MOCOS: variants seen among roughly 807,000 people sequenced by gnomAD.
The protein encoded by MOCOS is molybdenum cofactor sulfurase.
A neutral mutation model predicts 83.6 loss-of-function variants in MOCOS; 86 were observed. The observed-to-expected ratio is 1.03, with a 90% confidence interval of 0.86 to 1.23. The LOEUF (loss-of-function observed/expected upper bound fraction) is 1.23. MOCOS is among the 50% of genes most tolerant of loss of function. The pLI is 0.00. For synonymous variants in MOCOS, 445 were observed against 434.7 expected (o/e 1.02, Z -0.29); for missense variants, 1,120 against 1,126.9 (o/e 0.99, Z 0.09).
At chr18:36,215,185 G>A (rs532751083) in intron 7 of MOCOS, among the ~76,000 whole-genome samples, 1 of 152,306 alleles carries the variant, frequency 6.6e-6, no homozygotes, top group South Asian at 2.1e-4. Flanking sequence ...TGGTGCTTCT[G>A]AAACCTTAGT....
rs896211413 is a variant in MOCOS at position 36,270,005 on chromosome 18, A to T, written c.*1320A>T. ...AGCACTAGGTGAGATTTGAAAGATG[A>T]GGTGTGCTCTGTTCTCAAGGATTGT... On this transcript the variant is annotated 3_prime_UTR_variant, in exon 15 of 15. Transcript: ENST00000261326. 4 of 152,210 alleles carry T rather than the reference A, an allele frequency of 2.6e-5. No homozygotes were observed. The highest frequency in any genetic ancestry group is 5.9e-5 in the Non-Finnish European group (4 of 68,058). 9.4% of individuals were successfully genotyped at this position (152,210 alleles called of 1,614,324 possible). A position where few individuals can be genotyped will look rare whatever the true frequency, so the allele number is the denominator to read the frequency against.
Position 36,270,583 on chromosome 18 carries a change from T to C in MOCOS, c.*1898T>C, listed in dbSNP as rs1041262334. The C allele has an allele frequency of 2.6e-5, 4 of 151,776 alleles. No homozygotes were observed. Among genetic ancestry groups the C allele is most frequent in the African/African-American group, 7.3e-5 (3 of 41,252 alleles). The allele number at this position is 151,776 out of a possible 1,614,324, so 9.4% of individuals were successfully genotyped here. A position where few individuals can be genotyped will look rare whatever the true frequency, so the allele number is the denominator to read the frequency against. ...AAAAAATTAGCTGGGCATGGTGGCA[T>C]GCACCTGTAGTCCCAGCTACTTGGG... is the stretch of plus-strand genomic sequence containing the variant. On this transcript the variant is annotated 3_prime_UTR_variant, in exon 15 of 15. Coordinates refer to ENST00000261326, the MANE Select transcript of MOCOS (RefSeq NM_017947.4).
chr18:36,259,231 C>T (rs1388186025), intron 12 of MOCOS, among the ~76,000 whole-genome samples: 1 of 151,760 alleles, frequency 6.6e-6, no homozygotes, highest in Non-Finnish European at 1.5e-5. Flanking sequence ...TCACTTGAGC[C>T]CAGGAGTTCA....
intron 6 of MOCOS, among the ~76,000 whole-genome samples, chr18:36,206,423 T>C (rs2091435108): frequency 6.6e-6 from 1 of 151,770 alleles, no homozygotes; most frequent in African/African-American, 2.4e-5. Context: ...GTTTTTATAT[T>C]TTAGTAGAGA....
intron 9 of MOCOS, among the ~76,000 whole-genome samples, chr18:36,247,468 C>T (rs1367874535): frequency 6.6e-6 from 1 of 152,166 alleles, no homozygotes; most frequent in Non-Finnish European, 1.5e-5. Flanking sequence ...ACCCTGTGGC[C>T]CCTCTCCAAT....
At chr18:36,190,391 A>C (rs971960961) in intron 1 of MOCOS, 1 of 152,130 alleles carries the variant, frequency 6.6e-6, no homozygotes, top group Non-Finnish European at 1.5e-5. Context: ...GATTGGATCA[A>C]GGGGGTGGAT....
intron 3 of MOCOS, 93 bp from the exon 4 acceptor site, chr18:36,199,590 G>A: frequency 1.3e-6 from 2 of 1,575,610 alleles, no homozygotes; most frequent in African/African-American, 1.3e-5. Context: ...CATTAAGGTA[G>A]AGATGTCATA....
chr18:36,239,260 C>A (rs562634765), intron 9 of MOCOS, among the ~76,000 whole-genome samples: 93 of 152,122 alleles, frequency 6.1e-4, no homozygotes, highest in African/African-American at 2.2e-3. Context: ...CATGATTTTG[C>A]AGCGGCTGGT....
rs1491387633 is a variant in MOCOS, at chr18:36,214,269, A to AAG, written c.1335+788_1335+789insGA. Among the ~76,000 whole-genome samples the AAG allele has an allele frequency of 6.8e-4, 6 of 8,846 alleles. 1 individual carries two copies. Among genetic ancestry groups the AAG allele is most frequent in the Non-Finnish European group, 4.3e-3 (3 of 698 alleles). 5.8% of individuals were successfully genotyped at this position (8,846 alleles called of 152,430 possible). A position where few individuals can be genotyped will look rare whatever the true frequency, so the allele number is the denominator to read the frequency against. On this transcript the variant is annotated intron_variant, in intron 7 of 14. Coordinates refer to ENST00000261326, the MANE Select transcript of MOCOS (RefSeq NM_017947.4). Reference sequence around the variant, plus strand: ...CAAAAAAAAAAAAAAAAAAGAAAAGAAAAAAAAGAAAATGCTTCAAGATAT... The same window carrying AAG: ...CAAAAAAAAAAAAAAAAAAGAAAAGAAGAAAAAAAGAAAATGCTTCAAGATAT...
intron 12 of MOCOS, 44 bp from the exon 13 acceptor site, chr18:36,259,992 TC>T: frequency 6.2e-7 from 1 of 1,610,660 alleles, no homozygotes; most frequent in Non-Finnish European, 8.5e-7. Context: ...GGTACAATTA[TC>T]TGCCATCCTC....
intron 6 of MOCOS, 105 bp from the exon 7 acceptor site, chr18:36,213,258 TATC>T: frequency 1.2e-6 from 1 of 856,052 alleles, no homozygotes. Context: ...TCCAGGCTTG[TATC>T]ATCATTTTAT....
rs1598874013 is a variant in MOCOS at position 36,205,225 on chromosome 18, C to T, written c.1167C>T (p.Ile389=). The T allele has an allele frequency of 1.2e-6, 2 of 1,614,012 alleles. No individual in the cohort carries two copies. The highest frequency in any genetic ancestry group is 1.7e-6 in the Non-Finnish European group (2 of 1,180,014). ...EFSSPEVQGP[I]INFNVLDDKG... ...GCAGCCCTGAGGTTCAGGGCCCAAT[C>T]ATCAATTTTAATGTGCTGGATGACA... The change falls in exon 6 of 15, where the codon ATC becomes ATT. Residue 389 remains isoleucine, a synonymous_variant. Transcript: ENST00000261326.
At chr18:36,262,833 G>A (rs953235612) in intron 13 of MOCOS, among the ~76,000 whole-genome samples, 5 of 152,226 alleles carry the variant, frequency 3.3e-5, no homozygotes, top group African/African-American at 1.2e-4. Flanking sequence ...GCTTGGCTGG[G>A]CACAGTGGCT....
intron 9 of MOCOS, among the ~76,000 whole-genome samples, chr18:36,239,904 C>T (rs1415211796): frequency 6.6e-6 from 1 of 151,968 alleles, no homozygotes; most frequent in Non-Finnish European, 1.5e-5. Flanking sequence ...ATTGCTGATA[C>T]TCTTTCTTCC....
At chr18:36,226,774 G>A (rs573521553) in intron 9 of MOCOS, among the ~76,000 whole-genome samples, 34 of 149,888 alleles carry the variant, frequency 2.3e-4, no homozygotes, top group African/African-American at 7.1e-4. Flanking sequence ...GAGTTATAAC[G>A]GTCTATTTTA....
intron 11 of MOCOS, 86 bp downstream of exon 11, chr18:36,251,369 G>A (rs971185628): frequency 1.5e-5 from 23 of 1,531,458 alleles, no homozygotes; most frequent in East Asian, 4.5e-5. Context: ...CTGCACTTAC[G>A]GGTGACTTGC....
chr18:36,239,072 T>C (rs1248763662), intron 9 of MOCOS, among the ~76,000 whole-genome samples: 2 of 150,140 alleles, frequency 1.3e-5, no homozygotes, highest in Non-Finnish European at 3.0e-5. Flanking sequence ...CACTGATGGG[T>C]CTTGACTCTT....
intron 9 of MOCOS, among the ~76,000 whole-genome samples, chr18:36,223,071 C>T (rs1252802977): frequency 1.3e-5 from 2 of 152,172 alleles, no homozygotes; most frequent in Non-Finnish European, 2.9e-5. Context: ...GTTCCCTTTG[C>T]TGTGCAGAAG....
intron 6 of MOCOS, among the ~76,000 whole-genome samples, chr18:36,207,190 C>T (rs761726477): frequency 2.0e-5 from 3 of 152,138 alleles, no homozygotes; most frequent in African/African-American, 7.2e-5. Context: ...ATGTGCACCA[C>T]TACGCCCGGT....
Sources: gnomAD v4.1 joint callset for allele counts (sites outside exome capture counted in the v4.1 genomes callset) on GRCh38, gnomAD v4.1.1 for gene constraint, MANE v1.5 for transcripts, NCBI Gene and HGNC (gene_info 2026-07-23, HGNC 2026-07-21) for gene names.